Variants in KHDRBS2 observed in about 807,000 individuals in gnomAD.
KHDRBS2 encodes KH domain-containing, RNA-binding, signal transduction-associated protein 2.
Under a neutral mutation model 44.3 loss-of-function variants are expected in KHDRBS2, and 26 were observed. That is an observed-to-expected ratio of 0.59 (90% confidence interval 0.43 to 0.81). KHDRBS2 has a LOEUF of 0.81. Among genes scored for constraint, KHDRBS2 ranks in the 40% least tolerant of loss-of-function variants. The pLI is 0.00. For missense variants in KHDRBS2, 476 were observed against 433.1 expected (o/e 1.10, Z -0.88); for synonymous variants, 194 against 151.1 (o/e 1.28, Z -2.08).
chr6:61,953,374 T>A (rs1424735440), intron 4 of KHDRBS2, among the ~76,000 whole-genome samples: 5 of 151,916 alleles, frequency 3.3e-5, no homozygotes, highest in Non-Finnish European at 7.4e-5. Flanking sequence ...ACTAGAAAAA[T>A]AAGGATTGGA....
the KHDRBS2 span, among the ~76,000 whole-genome samples, chr6:61,617,434 ACTAT>A: frequency 0.59 from 89,289 of 151,418 alleles, 26,503 homozygotes; most frequent in Non-Finnish European, 0.61. Context: ...TTTCTAAAGT[ACTAT>A]CTATTATTAA....
intron 2 of KHDRBS2, among the ~76,000 whole-genome samples, chr6:62,157,115 GGAGGCCAAGGTGGGCGGATCAC>G: frequency 6.6e-6 from 1 of 151,628 alleles, no homozygotes; most frequent in East Asian, 2.0e-4. Flanking sequence ...CGACACTTTG[GGAGGCCAAGGTGGGCGGATCAC>G]GAGGTCAAGT....
At chr6:62,140,849 CT>C (rs2150097933) in intron 2 of KHDRBS2, among the ~76,000 whole-genome samples, 1 of 152,238 alleles carries the variant, frequency 6.6e-6, no homozygotes, top group East Asian at 1.9e-4. Flanking sequence ...GAAATATAAG[CT>C]TTCAAAAAGG....
chr6:62,253,696 C>T (rs1484381172), intron 1 of KHDRBS2, among the ~76,000 whole-genome samples: 1 of 151,946 alleles, frequency 6.6e-6, no homozygotes, highest in African/African-American at 2.4e-5. Flanking sequence ...ATGATTTTTA[C>T]TGTAATAATT....
intron 2 of KHDRBS2, among the ~76,000 whole-genome samples, chr6:62,084,121 G>A (rs572873555): frequency 1.1e-3 from 167 of 152,168 alleles, no homozygotes; most frequent in African/African-American, 3.8e-3. Context: ...AATCCCTAAC[G>A]AGATATTGAA....
intron 1 of KHDRBS2, among the ~76,000 whole-genome samples, chr6:62,191,611 T>C (rs1233800095): frequency 6.6e-6 from 1 of 152,094 alleles, no homozygotes; most frequent in Non-Finnish European, 1.5e-5. Flanking sequence ...ACTTAGAATT[T>C]AAACTCAGTC....
intron 3 of KHDRBS2, among the ~76,000 whole-genome samples, chr6:62,041,955 G>T (rs1288988168): frequency 6.6e-6 from 1 of 151,914 alleles, no homozygotes. Context: ...AGATGAAGAT[G>T]CTAATTTGAG....
At chr6:61,625,361 A>G in the KHDRBS2 span, among the ~76,000 whole-genome samples, 1 of 148,116 alleles carries the variant, frequency 6.8e-6, no homozygotes, top group Non-Finnish European at 1.5e-5. Context: ...ATGTGTGCAG[A>G]GACTCTGAGG....
At chr6:61,563,274 T>C in the KHDRBS2 span, among the ~76,000 whole-genome samples, 156 of 152,132 alleles carry the variant, frequency 1.0e-3, no homozygotes, top group Non-Finnish European at 1.8e-3. Context: ...TCAATTTCCC[T>C]GCTACTAGTA....
intron 6 of KHDRBS2, among the ~76,000 whole-genome samples, chr6:61,786,529 G>A (rs774714415): frequency 6.6e-6 from 1 of 151,852 alleles, no homozygotes; most frequent in Non-Finnish European, 1.5e-5. Flanking sequence ...AGGAAACAAA[G>A]CTAAATTTAT....
At chr6:62,270,287 C>A (rs865823369) in intron 1 of KHDRBS2, among the ~76,000 whole-genome samples, 1 of 143,714 alleles carries the variant, frequency 7.0e-6, no homozygotes, top group East Asian at 2.1e-4. Context: ...ATCTCTCTCT[C>A]TCTCTCTCTC....
the KHDRBS2 span, among the ~76,000 whole-genome samples, chr6:61,623,745 G>A: frequency 1.3e-5 from 2 of 152,150 alleles, no homozygotes; most frequent in African/African-American, 4.8e-5. Context: ...TTGCACACAT[G>A]GCCTGATAGA....
intron 4 of KHDRBS2, among the ~76,000 whole-genome samples, chr6:61,959,628 T>C (rs1184353509): frequency 1.3e-5 from 2 of 152,126 alleles, no homozygotes; most frequent in African/African-American, 2.4e-5. Context: ...CTTAATTATA[T>C]AACAAGACTA....
chr6:62,090,554 A>G (rs2127363171), intron 2 of KHDRBS2, among the ~76,000 whole-genome samples: 1 of 150,496 alleles, frequency 6.6e-6, no homozygotes, highest in African/African-American at 2.5e-5. Flanking sequence ...GGTTATAGGA[A>G]AGGTGTTTTT....
chr6:61,661,455 G>T, the KHDRBS2 span: 2 of 151,842 alleles, frequency 1.3e-5, no homozygotes, highest in African/African-American at 4.8e-5. Context: ...ATGTCAATCA[G>T]TCTCATGGCA....
chr6:61,755,920 G>T (rs1351688391), intron 6 of KHDRBS2, among the ~76,000 whole-genome samples: 1 of 152,116 alleles, frequency 6.6e-6, no homozygotes, highest in Non-Finnish European at 1.5e-5. Flanking sequence ...GTCCACCAAT[G>T]CTGTGATTTG....
chr6:61,561,234 T>A, the KHDRBS2 span, among the ~76,000 whole-genome samples: 57 of 152,258 alleles, frequency 3.7e-4, no homozygotes, highest in Non-Finnish European at 7.4e-4. Flanking sequence ...ACTCTGTCTC[T>A]CTCCTGAGCT....
At chr6:61,750,385 C>G (rs1044888975) in intron 6 of KHDRBS2, among the ~76,000 whole-genome samples, 3 of 152,116 alleles carry the variant, frequency 2.0e-5, no homozygotes, top group Non-Finnish European at 2.9e-5. Context: ...CCAGGCCAGC[C>G]TATGGGGTTC....
intron 2 of KHDRBS2, among the ~76,000 whole-genome samples, chr6:62,103,210 A>T (rs1802302878): frequency 6.6e-6 from 1 of 152,076 alleles, no homozygotes; most frequent in South Asian, 2.1e-4. Flanking sequence ...CCTGACTTGA[A>T]GATGGGGTTT....
Sources: gnomAD v4.1 joint callset for allele counts (sites outside exome capture counted in the v4.1 genomes callset) on GRCh38, gnomAD v4.1.1 for gene constraint, MANE v1.5 for transcripts, NCBI Gene and HGNC (gene_info 2026-07-23, HGNC 2026-07-21) for gene names.